The following GBF1 variants were observed in gnomAD, a reference collection of about 807,000 sequenced individuals.
GBF1 encodes Golgi-specific brefeldin A-resistance guanine nucleotide exchange factor 1.
In GBF1, 114 loss-of-function variants were observed where a neutral mutation model predicts 210.5. The observed-to-expected ratio is 0.54, with a 90% CI of 0.47 to 0.63. The LOEUF is 0.63. Ranked by LOEUF, GBF1 falls within the 30% of genes least tolerant of loss-of-function variation. The pLI is 0.00. For missense variants in GBF1, 1,851 were observed against 2,357.7 expected (o/e 0.79, Z 4.45); for synonymous variants, 850 against 889.2 (o/e 0.96, Z 0.78).
intron 3 of GBF1, among the ~76,000 whole-genome samples, chr10:102,287,344 C>CTTTTT (rs763880492): frequency 1.4e-3 from 97 of 69,536 alleles, no homozygotes; most frequent in African/African-American, 5.7e-3. Flanking sequence ...ATTTTATTTT[C>CTTTTT]TTTTTTTTTT....
Position 102,380,303 on chromosome 10 carries a change from T to G in GBF1, c.4933T>G (p.Trp1645Gly). ...GTCACTCTCTACCTTTGCGGCCCTCTGGCTCACCATCTTGGACTTCATGGA... is the reference window on the plus strand; with the variant it reads ...GTCACTCTCTACCTTTGCGGCCCTCGGGCTCACCATCTTGGACTTCATGGA... ...LLSLSTFAAL[W>G]LTILDFMDKY... The change falls in exon 37 of 40, where the codon TGG becomes GGG. Residue 1645 changes from tryptophan to glycine, a missense_variant. Coordinates refer to ENST00000369983, the MANE Select transcript of GBF1 (RefSeq NM_001377137.1). The G allele has an allele frequency of 6.2e-7, 1 of 1,614,130 alleles. No homozygotes were observed. The highest frequency in any genetic ancestry group is 8.5e-7 in the Non-Finnish European group (1 of 1,179,986).
intron 3 of GBF1, among the ~76,000 whole-genome samples, chr10:102,296,915 C>T (rs908832136): frequency 4.0e-5 from 6 of 150,958 alleles, no homozygotes; most frequent in Non-Finnish European, 7.4e-5. Flanking sequence ...CCTGGTGGCG[C>T]GTGCCTATAA....
At chr10:102,261,283 C>T (rs539447945) in intron 3 of GBF1, among the ~76,000 whole-genome samples, 46 of 151,960 alleles carry the variant, frequency 3.0e-4, no homozygotes, top group Non-Finnish European at 5.4e-4. Context: ...TATATACACA[C>T]ACACACACAC....
chr10:102,249,698 T>C (rs2071261653), intron 1 of GBF1, among the ~76,000 whole-genome samples: 1 of 151,890 alleles, frequency 6.6e-6, no homozygotes. Context: ...CTGGCTTTTT[T>C]TTTTTTTTTC....
chr10:102,320,369 T>C (rs1327324450), intron 3 of GBF1, among the ~76,000 whole-genome samples: 1 of 152,186 alleles, frequency 6.6e-6, no homozygotes, highest in Non-Finnish European at 1.5e-5. Flanking sequence ...ACACTTGGTG[T>C]GGGTCTCTTT....
intron 5 of GBF1, among the ~76,000 whole-genome samples, 159 bp from the exon 6 acceptor site, chr10:102,351,684 G>C (rs373594106): frequency 1.3e-4 from 20 of 152,284 alleles, no homozygotes; most frequent in Non-Finnish European, 2.2e-4. Flanking sequence ...AAATATGTCA[G>C]GGTCATAAAA....
At chr10:102,253,918 T>C (rs1239046626) in intron 1 of GBF1, among the ~76,000 whole-genome samples, 1 of 152,242 alleles carries the variant, frequency 6.6e-6, no homozygotes, top group Non-Finnish European at 1.5e-5. Context: ...TAATAATCTT[T>C]TCATATATTT....
Position 102,369,768 on chromosome 10 carries a change from T to A in GBF1, c.3208T>A (p.Ser1070Thr). 6.2e-7 allele frequency: 1 copy of A among 1,614,066 alleles called. No individual in the cohort carries two copies. The highest frequency in any genetic ancestry group is 8.5e-7 in the Non-Finnish European group (1 of 1,179,964). ...KISLQREETPSNRGESTVLSF... is the reference protein window; with the variant it reads ...KISLQREETPTNRGESTVLSF... Reference sequence around the variant, plus strand: ...CTCTCTACAGCGGGAAGAGACACCATCAAACCGGTAAGAGCAGACCAGAGG... The same window carrying A: ...CTCTCTACAGCGGGAAGAGACACCAACAAACCGGTAAGAGCAGACCAGAGG... The change falls in exon 25 of 40, where the codon TCA becomes ACA. Residue 1070 changes from serine to threonine, a missense_variant. Ser to Thr is a moderately conservative substitution (Grantham distance 58). Around this residue, in one of 3 missense-constraint regions of GBF1, gnomAD observed 967 missense variants for 1,247.7 expected, o/e 0.78. Coordinates refer to ENST00000369983, the MANE Select transcript of GBF1 (RefSeq NM_001377137.1).
intron 38 of GBF1, 119 bp from the exon 39 acceptor site, chr10:102,381,007 TC>T: frequency 2.1e-6 from 2 of 935,740 alleles, no homozygotes; most frequent in Non-Finnish European, 3.2e-6. Context: ...AAAAAAAAAG[TC>T]CCCAAAGCTG....
chr10:102,250,362 A>G lies in GBF1; in HGVS notation c.-11+4581A>G, dbSNP rs541559891. Among the ~76,000 whole-genome samples the G allele has an allele frequency of 8.6e-5, 13 of 151,774 alleles. No individual in the cohort carries two copies. The South Asian group carries it at 2.1e-3, about 24-fold the overall frequency. ...AGGTGCGTGCCACCACGCCTGCCTGATTTTTGTGTTTTTTGTAGACACAGG... is the reference window on the plus strand; with the variant it reads ...AGGTGCGTGCCACCACGCCTGCCTGGTTTTTGTGTTTTTTGTAGACACAGG... On this transcript the variant is annotated intron_variant, in intron 1 of 39. Coordinates refer to ENST00000369983, the MANE Select transcript of GBF1 (RefSeq NM_001377137.1).
chr10:102,312,027 C>G (rs1181014696), intron 3 of GBF1, among the ~76,000 whole-genome samples: 1 of 152,162 alleles, frequency 6.6e-6, no homozygotes, highest in African/African-American at 2.4e-5. Flanking sequence ...CGTGGTAGCT[C>G]ACGCCTGTAA....
intron 4 of GBF1, among the ~76,000 whole-genome samples, chr10:102,347,177 C>T (rs887872621): frequency 1.3e-5 from 2 of 152,202 alleles, no homozygotes; most frequent in Admixed American, 6.5e-5. Context: ...AGATAAGGCT[C>T]AGGCTTTAGC....
intron 13 of GBF1, 141 bp downstream of exon 13, chr10:102,361,261 G>A (rs986776236): frequency 1.9e-5 from 12 of 627,530 alleles, no homozygotes; most frequent in African/African-American, 1.5e-4. Context: ...TCCAGAGTTC[G>A]GTTCAATCAA....
At chr10:102,261,182 A>G (rs1371166091) in intron 3 of GBF1, among the ~76,000 whole-genome samples, 1 of 152,062 alleles carries the variant, frequency 6.6e-6, no homozygotes, top group Non-Finnish European at 1.5e-5. Context: ...TTTGCTCTAT[A>G]TTGCTTCTGT....
At chr10:102,305,258 ATAATAT>A (rs1336896287) in intron 3 of GBF1, among the ~76,000 whole-genome samples, 2 of 151,368 alleles carry the variant, frequency 1.3e-5, no homozygotes, top group Non-Finnish European at 2.9e-5. Context: ...AAGAGGTGAA[ATAATAT>A]TAAGAGGTAC....
Position 102,351,243 on chromosome 10 carries a change from T to C in GBF1, c.296-13T>C, listed in dbSNP as rs780601035. 2.2e-6 allele frequency: 3 copies of C among 1,392,846 alleles called. No individual in the cohort carries two copies. In the East Asian group the frequency reaches 6.8e-5, roughly 32 times the overall value. The allele number at this position is 1,392,846 out of a possible 1,614,324, so 86.3% of individuals were successfully genotyped here. A position where few individuals can be genotyped will look rare whatever the true frequency, so the allele number is the denominator to read the frequency against. On this transcript the variant is annotated splice_polypyrimidine_tract_variant and intron_variant, in intron 4 of 39. Coordinates refer to ENST00000369983, the MANE Select transcript of GBF1 (RefSeq NM_001377137.1). Reference sequence around the variant, plus strand: ...CTCCACATCACTTAATCTTTCCTTTTTCGCTGGAGCAGATCCCACCCATGA... The same window carrying C: ...CTCCACATCACTTAATCTTTCCTTTCTCGCTGGAGCAGATCCCACCCATGA...
Position 102,351,860 on chromosome 10 carries a change from G to T in GBF1, c.432G>T (p.Leu144=), listed in dbSNP as rs147352565. 2.5e-4 allele frequency: 401 copies of T among 1,599,110 alleles called. No individual in the cohort carries two copies. In the African/African-American group the frequency reaches 4.3e-3, roughly 17 times the overall value. The change falls in exon 6 of 40, where the codon CTG becomes CTT. Residue 144 remains leucine, a synonymous_variant. Transcript: ENST00000369983. ...CCTGATAGGTTCTACGGACTCTGCT[G>T]CTAACCCCAGTGGGTGCCCACCTAA... ...MKILQVLRTL[L]LTPVGAHLTN...
Position 102,361,917 on chromosome 10 carries a change from T to C in GBF1, c.1686+5T>C. The C allele has an allele frequency of 1.9e-6, 3 of 1,573,594 alleles. No homozygotes were observed. The highest frequency in any genetic ancestry group is 2.6e-6 in the Non-Finnish European group (3 of 1,157,968). Reference sequence around the variant, plus strand: ...CTCACAAAGCTGCTGTCCAAGGTGCTGAGCACTATAACTGGCTTCTAGGAA... The same window carrying C: ...CTCACAAAGCTGCTGTCCAAGGTGCCGAGCACTATAACTGGCTTCTAGGAA... On this transcript the variant is annotated splice_donor_5th_base_variant and intron_variant, in intron 14 of 39. Transcript: ENST00000369983.
chr10:102,239,457 G>T, the GBF1 span, among the ~76,000 whole-genome samples: 2 of 152,206 alleles, frequency 1.3e-5, no homozygotes, highest in Non-Finnish European at 2.9e-5. Flanking sequence ...GGGAGCACAA[G>T]CCCCTGAAAA....
Sources: gnomAD v4.1 joint callset for allele counts (sites outside exome capture counted in the v4.1 genomes callset) on GRCh38, gnomAD v4.1.1 for gene constraint, gnomAD v4.1.1 regional missense constraint, MANE v1.5 for transcripts, NCBI Gene and HGNC (gene_info 2026-07-23, HGNC 2026-07-21) for gene names.